Variants in ASTN1 observed in about 807,000 individuals in gnomAD.
ASTN1 encodes astrotactin 1, also known as astrotactin-1.
A neutral mutation model predicts 140.7 loss-of-function variants in ASTN1; 41 were observed. That is an observed-to-expected ratio of 0.29 (90% CI 0.23 to 0.38). The LOEUF is 0.38. Ranked by LOEUF, ASTN1 falls within the 10% of genes least tolerant of loss-of-function variation. The pLI, the probability that ASTN1 is intolerant of heterozygous loss-of-function variation, is 1.00. For synonymous variants in ASTN1, 640 were observed against 652.2 expected (o/e 0.98, Z 0.29); for missense variants, 1,479 against 1,678.8 (o/e 0.88, Z 2.08).
In ASTN1 at chr1:177,070,258, A is replaced by C. The variant is rs181951885; in HGVS notation, c.284-8993T>G. On this transcript the variant is annotated intron_variant, in intron 1 of 22. Coordinates refer to ENST00000361833, the MANE Select transcript of ASTN1 (RefSeq NM_004319.3). ...AAACACTGGTCACAGGGTGATTGTA[A>C]GAAAACTGTATACTAGACCCAGTGA... is the stretch of plus-strand genomic sequence containing the variant. 6.6e-5 allele frequency among the ~76,000 whole-genome samples: 10 copies of C among 152,308 alleles called. No individual in the cohort carries two copies. In the East Asian group the frequency reaches 1.9e-3, roughly 29 times the overall value.
chr1:177,003,059 G>A (rs1205773487), intron 8 of ASTN1, among the ~76,000 whole-genome samples: 6 of 151,984 alleles, frequency 3.9e-5, no homozygotes, highest in Non-Finnish European at 5.9e-5. Flanking sequence ...TACCAAATAT[G>A]CAAAGTAGAA....
intron 8 of ASTN1, among the ~76,000 whole-genome samples, chr1:176,970,562 G>A (rs1436189666): frequency 6.6e-6 from 1 of 151,186 alleles, no homozygotes; most frequent in Non-Finnish European, 1.5e-5. Flanking sequence ...GAGATAGGTA[G>A]GTAGGTAGGT....
intron 16 of ASTN1, among the ~76,000 whole-genome samples, chr1:176,920,505 C>A (rs556878296): frequency 1.3e-5 from 2 of 152,338 alleles, no homozygotes; most frequent in East Asian, 3.9e-4. Context: ...TTTCCCCTTA[C>A]AGTGCCTTTC....
Position 176,876,771 on chromosome 1 carries a change from C to T in ASTN1, c.3363-134G>A, listed in dbSNP as rs764247238. On this transcript the variant is annotated intron_variant, in intron 20 of 22. Coordinates refer to ENST00000361833, the MANE Select transcript of ASTN1 (RefSeq NM_004319.3). Reference sequence around the variant, plus strand: ...CAGATACTCTCGTCATCCTGGGTCACGTTTACTGCCACCATCCCAGGCAGA... The same window carrying T: ...CAGATACTCTCGTCATCCTGGGTCATGTTTACTGCCACCATCCCAGGCAGA... The T allele has an allele frequency of 2.0e-4, 152 of 778,390 alleles. 1 individual carries two copies. The highest frequency in any genetic ancestry group is 2.6e-4 in the Non-Finnish European group (128 of 486,728). 48.2% of individuals were successfully genotyped at this position (778,390 alleles called of 1,614,324 possible).
intron 1 of ASTN1, among the ~76,000 whole-genome samples, chr1:177,114,454 T>A (rs1680979559): frequency 6.6e-6 from 1 of 152,084 alleles, no homozygotes; most frequent in African/African-American, 2.4e-5. Context: ...ATTAAATTGT[T>A]ACAATTTTAA....
intron 19 of ASTN1, 124 bp from the exon 20 acceptor site, chr1:176,883,118 G>A: frequency 1.5e-6 from 2 of 1,344,360 alleles, no homozygotes; most frequent in East Asian, 4.7e-5. Context: ...CTAGAGTAGA[G>A]AAGGAGACTT....
intron 2 of ASTN1, among the ~76,000 whole-genome samples, chr1:177,049,805 G>A (rs189703503): frequency 5.9e-5 from 9 of 152,264 alleles, no homozygotes; most frequent in Admixed American, 6.5e-5. Context: ...TGCCTTATCC[G>A]AACCCAAGGT....
chr1:177,101,440 A>G (rs1680294674), intron 1 of ASTN1, among the ~76,000 whole-genome samples: 1 of 152,220 alleles, frequency 6.6e-6, no homozygotes, highest in Non-Finnish European at 1.5e-5. Context: ...CTGTTGAGTA[A>G]AAGAAACCAT....
intron 20 of ASTN1, among the ~76,000 whole-genome samples, chr1:176,881,341 C>T (rs1457858233): frequency 6.6e-6 from 1 of 152,226 alleles, no homozygotes; most frequent in Non-Finnish European, 1.5e-5. Context: ...GGTCTCTGAT[C>T]AGAAACGCAG....
chr1:177,098,669 CAGA>C (rs1159391396), intron 1 of ASTN1, among the ~76,000 whole-genome samples: 5 of 151,996 alleles, frequency 3.3e-5, no homozygotes, highest in African/African-American at 1.2e-4. Flanking sequence ...AGGTAGAAAG[CAGA>C]AGGACAAAGT....
rs978309119 is a variant in ASTN1, at chr1:177,076,149, C to T, written c.284-14884G>A. Among the ~76,000 whole-genome samples the T allele has an allele frequency of 1.7e-4, 25 of 151,302 alleles. 1 individual carries two copies. Among genetic ancestry groups the T allele is most frequent in the Admixed American group, 9.9e-4 (15 of 15,204 alleles). ...AAAAAATTAGCTGGGCGTGGTTGCA[C>T]GAGCCTGTAGTCCCAGCTACTCGGG... On this transcript the variant is annotated intron_variant, in intron 1 of 22. Coordinates refer to ENST00000361833, the MANE Select transcript of ASTN1 (RefSeq NM_004319.3).
chr1:177,075,356 G>C (rs528677304), intron 1 of ASTN1, among the ~76,000 whole-genome samples: 2 of 151,534 alleles, frequency 1.3e-5, no homozygotes, highest in South Asian at 4.2e-4. Flanking sequence ...ACAGGCATGA[G>C]CCACTGCGCC....
intron 1 of ASTN1, among the ~76,000 whole-genome samples, chr1:177,133,750 A>G (rs1314860021): frequency 6.6e-6 from 1 of 152,220 alleles, no homozygotes; most frequent in African/African-American, 2.4e-5. Context: ...GTAAAGGTCT[A>G]GTTTATTTTT....
At chr1:177,085,804 C>A (rs1679437168) in intron 1 of ASTN1, among the ~76,000 whole-genome samples, 1 of 152,152 alleles carries the variant, frequency 6.6e-6, no homozygotes, top group Non-Finnish European at 1.5e-5. Context: ...TGAGCGTGGG[C>A]ATTGTCTTCG....
At chr1:177,156,464 C>G (rs1416705385) in intron 1 of ASTN1, among the ~76,000 whole-genome samples, 1 of 152,102 alleles carries the variant, frequency 6.6e-6, no homozygotes, top group Non-Finnish European at 1.5e-5. Flanking sequence ...ACTGAAAGAG[C>G]TCCCATTAGC....
chr1:176,989,607 C>A (rs1047399865), intron 8 of ASTN1, among the ~76,000 whole-genome samples: 4 of 152,062 alleles, frequency 2.6e-5, no homozygotes, highest in Non-Finnish European at 5.9e-5. Context: ...CTTCTCCCTT[C>A]CTATAGAGCT....
At chr1:177,087,770 C>A (rs1348464699) in intron 1 of ASTN1, among the ~76,000 whole-genome samples, 1 of 152,156 alleles carries the variant, frequency 6.6e-6, no homozygotes, top group Non-Finnish European at 1.5e-5. Context: ...GTGTTAATCC[C>A]CACTTGTGAG....
intron 1 of ASTN1, among the ~76,000 whole-genome samples, chr1:177,096,150 A>G (rs981525039): frequency 1.3e-5 from 2 of 152,210 alleles, no homozygotes; most frequent in Admixed American, 1.3e-4. Context: ...TTGGAAACAC[A>G]TAACTTGTTT....
chr1:176,914,094 A>G (rs12135048), intron 16 of ASTN1, among the ~76,000 whole-genome samples: 9,253 of 152,228 alleles, frequency 0.061, 364 homozygotes, highest in Non-Finnish European at 0.089. Context: ...CTCTATATGA[A>G]TCTCAGTGGT....
Sources: allele counts gnomAD v4.1 joint callset (sites outside exome capture counted in the v4.1 genomes callset), GRCh38; gene constraint gnomAD v4.1.1; transcripts MANE v1.5; gene names NCBI Gene and HGNC (gene_info 2026-07-23, HGNC 2026-07-21).